Variants in DPP6 observed in about 807,000 individuals in gnomAD.
DPP6 encodes A-type potassium channel modulatory protein DPP6.
In DPP6, 69 loss-of-function variants were observed where a neutral mutation model predicts 122.6. That is an observed-to-expected ratio of 0.56 (90% CI 0.46 to 0.69). DPP6 has a LOEUF of 0.69. DPP6 is among the 30% of genes least tolerant of loss of function. DPP6 has a pLI of 0.00. For synonymous variants in DPP6, 418 were observed against 433.1 expected, an observed-to-expected ratio of 0.97 and a Z score of 0.43; for missense variants, 928 against 1,116.9, an observed-to-expected ratio of 0.83 and a Z score of 2.41.
Position 154,475,324 on chromosome 7 carries a change from A to C in DPP6, c.457+287A>C, listed in dbSNP as rs919979317. 9.1e-5 allele frequency: 36 copies of C among 396,464 alleles called. No individual in the cohort carries two copies. The East Asian group carries it at 1.8e-3, about 20-fold the overall frequency. The allele number at this position is 396,464 out of a possible 1,614,324, so 24.6% of individuals were successfully genotyped here. ...CCTTTGTGTGCCACCTCCCAGAGACATCATTTCTCCGGGGGAGCTGTGGGG... is the reference window on the plus strand; with the variant it reads ...CCTTTGTGTGCCACCTCCCAGAGACCTCATTTCTCCGGGGGAGCTGTGGGG... On this transcript the variant is annotated intron_variant, in intron 3 of 25. Coordinates refer to ENST00000377770, the MANE Select transcript of DPP6 (RefSeq NM_130797.4).
chr7:154,019,586 G>C (rs1432403491), intron 1 of DPP6, among the ~76,000 whole-genome samples: 3 of 152,066 alleles, frequency 2.0e-5, no homozygotes, highest in African/African-American at 7.2e-5. Flanking sequence ...TTTCTCCAGA[G>C]ATGTCTTATT....
At chr7:154,354,320 G>A (rs1215993528) in intron 1 of DPP6, among the ~76,000 whole-genome samples, 1 of 152,190 alleles carries the variant, frequency 6.6e-6, no homozygotes, top group African/African-American at 2.4e-5. Context: ...GATAAGCCCA[G>A]TGTGGTGTTT....
chr7:154,698,131 T>A (rs78183929), intron 7 of DPP6, among the ~76,000 whole-genome samples: 4,876 of 152,324 alleles, frequency 0.032, 80 homozygotes, highest in Middle Eastern at 0.071. Flanking sequence ...ATAGATGTAT[T>A]TTTTTAGTTA....
rs866903448 is a variant in DPP6, at chr7:154,060,804, C to T, written c.243+7741C>T. Among the ~76,000 whole-genome samples the T allele has an allele frequency of 5.3e-4, 34 of 64,754 alleles. 2 individuals carry two copies. In the South Asian group the frequency reaches 0.012, roughly 23 times the overall value. 42.5% of individuals were successfully genotyped at this position (64,754 alleles called of 152,430 possible). On this transcript the variant is annotated intron_variant, in intron 1 of 25. Coordinates refer to ENST00000377770, the MANE Select transcript of DPP6 (RefSeq NM_130797.4). ...TAGGACGCCCATCACAGGAGGGGGA[C>T]GCACCCCCCATGAGGCAGGGACTGA...
At chr7:154,219,424 T>G (rs1800179874) in intron 1 of DPP6, among the ~76,000 whole-genome samples, 1 of 152,236 alleles carries the variant, frequency 6.6e-6, no homozygotes, top group South Asian at 2.1e-4. Flanking sequence ...GCTGTGATAG[T>G]GGATAACCAT....
At chr7:154,881,319 A>G (rs1018386512) in intron 21 of DPP6, among the ~76,000 whole-genome samples, 1 of 152,218 alleles carries the variant, frequency 6.6e-6, no homozygotes, top group Non-Finnish European at 1.5e-5. Context: ...GTTAATTACC[A>G]TGTCTACTTA....
At chr7:154,396,053 C>T (rs568731856) in intron 1 of DPP6, among the ~76,000 whole-genome samples, 11 of 151,730 alleles carry the variant, frequency 7.2e-5, no homozygotes, top group South Asian at 2.1e-4. Context: ...CTTATGACTT[C>T]GGAAGAGAAT....
chr7:154,671,995 A>G (rs1402500483), intron 7 of DPP6, among the ~76,000 whole-genome samples: 1 of 152,030 alleles, frequency 6.6e-6, no homozygotes, highest in Non-Finnish European at 1.5e-5. Flanking sequence ...AGGTGGTGAT[A>G]TGGTGTGGCT....
chr7:153,903,088 T>C (rs1343400809), intron 1 of DPP6, among the ~76,000 whole-genome samples: 8 of 152,126 alleles, frequency 5.3e-5, no homozygotes, highest in African/African-American at 1.9e-4. Context: ...TGACACAATT[T>C]AGCCAAAATT....
At chr7:153,766,695 T>G in the DPP6 span, among the ~76,000 whole-genome samples, 1 of 152,196 alleles carries the variant, frequency 6.6e-6, no homozygotes, top group African/African-American at 2.4e-5. Context: ...TCACACATGC[T>G]GAGTTTCTCA....
the DPP6 span, among the ~76,000 whole-genome samples, chr7:153,826,854 GCACA>G: frequency 1.3e-5 from 2 of 151,734 alleles, no homozygotes; most frequent in Non-Finnish European, 2.9e-5. Context: ...ATATATATAT[GCACA>G]CACACATATA....
chr7:154,822,745 T>A (rs1332198066), intron 16 of DPP6, among the ~76,000 whole-genome samples: 2 of 152,124 alleles, frequency 1.3e-5, no homozygotes, highest in Non-Finnish European at 2.9e-5. Context: ...CCACCCTAAT[T>A]GCTCTCTAGC....
the DPP6 span, among the ~76,000 whole-genome samples, chr7:153,830,949 A>C: frequency 1.3e-5 from 2 of 152,214 alleles, no homozygotes; most frequent in African/African-American, 4.8e-5. Context: ...GCGTCCATAC[A>C]TATAACTGAT....
chr7:154,046,007 A>G (rs1800001882), intron 1 of DPP6, among the ~76,000 whole-genome samples: 1 of 152,000 alleles, frequency 6.6e-6, no homozygotes, highest in Non-Finnish European at 1.5e-5. Flanking sequence ...TGTTTAACCA[A>G]TTATCCTCAG....
At chr7:153,901,557 T>C (rs950120753) in intron 1 of DPP6, among the ~76,000 whole-genome samples, 1 of 152,144 alleles carries the variant, frequency 6.6e-6, no homozygotes, top group African/African-American at 2.4e-5. Context: ...GATTGATAGG[T>C]CAACTAATGA....
At position 154,833,926 on chromosome 7, in the gene DPP6, C is replaced by G. The variant is rs936633166; in HGVS notation, c.1667-19854C>G. On this transcript the variant is annotated intron_variant, in intron 16 of 25. Coordinates refer to ENST00000377770, the MANE Select transcript of DPP6 (RefSeq NM_130797.4). This position sits in a 1 kb window ranked among gnomAD's most constrained non-coding sequence, Gnocchi z 4.3. The stretch of plus-strand genomic sequence containing the variant: ...AAGGCCTGGGCTAGGCCTGGATGGT[C>G]CCGGGGCTGCACGGATGTAGCTCAT... 6.6e-6 allele frequency among the ~76,000 whole-genome samples: 1 copy of G among 152,094 alleles called. No individual in the cohort carries two copies. Among genetic ancestry groups the G allele is most frequent in the African/African-American group, 2.4e-5 (1 of 41,420 alleles).
At chr7:153,996,023 T>C (rs1458208696) in intron 1 of DPP6, among the ~76,000 whole-genome samples, 4 of 152,230 alleles carry the variant, frequency 2.6e-5, no homozygotes, top group African/African-American at 7.2e-5. Context: ...GTGTCATTTA[T>C]TGTAGTAAAT....
At chr7:154,078,315 A>T (rs2150523451) in intron 1 of DPP6, among the ~76,000 whole-genome samples, 1 of 149,890 alleles carries the variant, frequency 6.7e-6, no homozygotes, top group Middle Eastern at 3.4e-3. Context: ...TTGTTTTCTC[A>T]ATTTATATTA....
intron 8 of DPP6, among the ~76,000 whole-genome samples, chr7:154,736,062 C>T (rs994133338): frequency 6.6e-6 from 1 of 152,248 alleles, no homozygotes; most frequent in Admixed American, 6.5e-5. Context: ...ACATCCTAAC[C>T]AGCACCATCT....
Sources: gnomAD v4.1 joint callset for allele counts (sites outside exome capture counted in the v4.1 genomes callset) on GRCh38, gnomAD v4.1.1 for gene constraint, Gnocchi (gnomAD v3.1) non-coding constraint, MANE v1.5 for transcripts, NCBI Gene and HGNC (gene_info 2026-07-23, HGNC 2026-07-21) for gene names.